The following STK24 variants were observed in gnomAD, a reference collection of about 807,000 sequenced individuals.
STK24 encodes serine/threonine kinase 24, also known as serine/threonine-protein kinase 24.
In STK24, 21 loss-of-function variants were observed where a neutral mutation model predicts 55.6. That is an observed-to-expected ratio of 0.38 (90% CI 0.27 to 0.54). STK24 has a LOEUF of 0.54. STK24 is among the 20% of genes least tolerant of loss of function. STK24 has a pLI of 0.79. For missense variants in STK24, 383 were observed against 538.4 expected (o/e 0.71, Z 2.86); for synonymous variants, 200 against 215.2 (o/e 0.93, Z 0.62).
intron 1 of STK24, among the ~76,000 whole-genome samples, chr13:98,532,187 A>C (rs915348627): frequency 1.8e-4 from 27 of 152,136 alleles, no homozygotes; most frequent in African/African-American, 6.3e-4. Context: ...GATGCCTGGA[A>C]AACTCTTTTT....
At chr13:98,546,866 A>T in intron 1 of STK24, among the ~76,000 whole-genome samples, 1 of 151,690 alleles carries the variant, frequency 6.6e-6, no homozygotes, top group Admixed American at 6.6e-5. Flanking sequence ...GGCCCTGAAC[A>T]TCTGTGTTCC....
chr13:98,445,243 A>T lies in STK24; in HGVS notation c.*7930T>A, dbSNP rs1892749890. ...GCTATACCACAATATTGGCCAACTT[A>T]ACGATTTTTACGGGAACAATTCAGT... On this transcript the variant is annotated 3_prime_UTR_variant, in exon 11 of 11. Transcript: ENST00000539966. 6.6e-6 allele frequency: 1 copy of T among 152,228 alleles called. No homozygotes were observed. The highest frequency in any genetic ancestry group is 6.5e-5 in the Admixed American group (1 of 15,280). 9.4% of individuals were successfully genotyped at this position (152,228 alleles called of 1,614,324 possible).
chr13:98,472,588 A>C (rs1312694572), intron 5 of STK24, among the ~76,000 whole-genome samples: 1 of 152,224 alleles, frequency 6.6e-6, no homozygotes, highest in Non-Finnish European at 1.5e-5. Context: ...TTGTATTCAC[A>C]GTGCAGTTGC....
intron 1 of STK24, chr13:98,553,594 G>A (rs534082895): frequency 8.2e-5 from 13 of 157,580 alleles, no homozygotes; most frequent in Non-Finnish European, 1.8e-4. Flanking sequence ...CGGCCTATCC[G>A]TGGGTGATGC....
intron 7 of STK24, 92 bp downstream of exon 7, chr13:98,463,599 A>C (rs1594576954): frequency 1.4e-6 from 2 of 1,402,682 alleles, no homozygotes; most frequent in African/African-American, 1.5e-5. Flanking sequence ...AAAAAAAAAA[A>C]CTCAACAGAA....
At chr13:98,535,817 G>C (rs1896715571) in intron 1 of STK24, among the ~76,000 whole-genome samples, 1 of 152,188 alleles carries the variant, frequency 6.6e-6, no homozygotes. Flanking sequence ...CCTGACTCCA[G>C]AGGCACCTAA....
intron 1 of STK24, among the ~76,000 whole-genome samples, chr13:98,543,879 CT>C (rs1176910936): frequency 7.2e-5 from 11 of 152,328 alleles, no homozygotes; most frequent in African/African-American, 2.4e-4. Flanking sequence ...AAACCACATG[CT>C]ATACAAAAGA....
intron 2 of STK24, among the ~76,000 whole-genome samples, chr13:98,503,783 T>C (rs117562298): frequency 6.6e-6 from 1 of 152,356 alleles, no homozygotes; most frequent in East Asian, 1.9e-4. Flanking sequence ...TTGAAGATTT[T>C]TCCTTTTTTA....
intron 2 of STK24, among the ~76,000 whole-genome samples, chr13:98,501,458 T>G (rs1895459473): frequency 6.6e-6 from 1 of 152,214 alleles, no homozygotes; most frequent in Admixed American, 6.5e-5. Context: ...TGTCAAAGTT[T>G]TAGAACATGA....
chr13:98,530,559 C>T (rs1244683558), intron 1 of STK24, among the ~76,000 whole-genome samples: 1 of 152,168 alleles, frequency 6.6e-6, no homozygotes. Flanking sequence ...GAACCTATGG[C>T]CATCCGACTC....
Position 98,446,741 on chromosome 13 carries a change from A to C in STK24, c.*6432T>G. On this transcript the variant is annotated 3_prime_UTR_variant, in exon 11 of 11. Coordinates refer to ENST00000539966, the MANE Select transcript of STK24 (RefSeq NM_001032296.4). ...CCCCTCTGAGTCCGAGAACATCCAG[A>C]AAGACTACGTGTTCAAGCTGCACTT... 1 of 1,614,160 alleles carries C rather than the reference A, an allele frequency of 6.2e-7. No individual in the cohort carries two copies. The highest frequency in any genetic ancestry group is 2.2e-5 in the East Asian group (1 of 44,862).
intron 2 of STK24, chr13:98,508,989 T>C (rs945180987): frequency 6.6e-6 from 1 of 152,234 alleles, no homozygotes; most frequent in African/African-American, 2.4e-5. Context: ...TTGTAATGAA[T>C]TAATTTGTAA....
intron 2 of STK24, among the ~76,000 whole-genome samples, chr13:98,507,019 G>A (rs1267170688): frequency 3.9e-5 from 6 of 152,256 alleles, no homozygotes; most frequent in Non-Finnish European, 8.8e-5. Flanking sequence ...TGAGTGCAAA[G>A]GACGGTGCTG....
intron 2 of STK24, among the ~76,000 whole-genome samples, chr13:98,494,222 T>C (rs1895157240): frequency 1.4e-5 from 2 of 146,952 alleles, no homozygotes; most frequent in Admixed American, 6.7e-5. Context: ...CCATCCTGGC[T>C]AACACGGTGA....
intron 1 of STK24, among the ~76,000 whole-genome samples, chr13:98,544,055 A>G (rs117383866): frequency 1.1e-3 from 166 of 152,340 alleles, no homozygotes; most frequent in Non-Finnish European, 1.9e-3. Flanking sequence ...CCATTAAATG[A>G]AAGGTGCATT....
intron 1 of STK24, among the ~76,000 whole-genome samples, chr13:98,525,437 C>A (rs184647861): frequency 6.6e-6 from 1 of 152,196 alleles, no homozygotes; most frequent in Non-Finnish European, 1.5e-5. Flanking sequence ...ACATGGACAA[C>A]CCCCGCTCCC....
chr13:98,452,002 A>T lies in STK24; in HGVS notation c.*1171T>A, dbSNP rs2139221301. ...AGTGCGCAAGCAGTCCAGGGCGCTG[A>T]CCTGGGCACTCGGCAGCTCCAGGCC... On this transcript the variant is annotated 3_prime_UTR_variant, in exon 11 of 11. Coordinates refer to ENST00000539966, the MANE Select transcript of STK24 (RefSeq NM_001032296.4). 6.6e-6 allele frequency: 1 copy of T among 152,280 alleles called. No homozygotes were observed. Among genetic ancestry groups the T allele is most frequent in the African/African-American group, 2.4e-5 (1 of 41,530 alleles). 9.4% of individuals were successfully genotyped at this position (152,280 alleles called of 1,614,324 possible).
In STK24 at chr13:98,446,605, G is replaced by A. The variant is rs1386595622; in HGVS notation, c.*6568C>T. On this transcript the variant is annotated 3_prime_UTR_variant, in exon 11 of 11. Transcript: ENST00000539966. The stretch of plus-strand genomic sequence containing the variant: ...AGTCCCTGTCTGATGCGGGGCAGCA[G>A]CCAGGCCCAGCAGCAGAAGCTGACC... The A allele has an allele frequency of 1.3e-6, 2 of 1,567,916 alleles. No individual in the cohort carries two copies. The highest frequency in any genetic ancestry group is 1.3e-5 in the African/African-American group (1 of 74,320).
At chr13:98,526,874 A>C (rs796525936) in intron 1 of STK24, among the ~76,000 whole-genome samples, 28 of 152,144 alleles carry the variant, frequency 1.8e-4, no homozygotes, top group African/African-American at 6.3e-4. Flanking sequence ...CACGTTATTC[A>C]GATATGCAGG....
Sources: allele counts gnomAD v4.1 joint callset (sites outside exome capture counted in the v4.1 genomes callset), GRCh38; gene constraint gnomAD v4.1.1; transcripts MANE v1.5; gene names NCBI Gene and HGNC (gene_info 2026-07-23, HGNC 2026-07-21).